Variants in AFTPH observed in about 807,000 individuals in gnomAD.
AFTPH encodes aftiphilin, also known as aftiphilin protein.
In AFTPH, 7 loss-of-function variants were observed where a neutral mutation model predicts 72.5. The ratio of observed to expected loss-of-function variants is 0.10; its 90% CI spans 0.05 to 0.18. The LOEUF (loss-of-function observed/expected upper bound fraction) is 0.18, where lower values mean the gene tolerates loss of function less well. Among genes scored for constraint, AFTPH ranks in the 10% least tolerant of loss-of-function variants. AFTPH has a pLI of 1.00. For synonymous variants in AFTPH, 337 were observed against 370.1 expected (o/e 0.91, Z 1.03); for missense variants, 979 against 1,060.5 (o/e 0.92, Z 1.07).
At chr2:64,544,485 T>C (rs1344887716) in intron 1 of AFTPH, among the ~76,000 whole-genome samples, 1 of 152,146 alleles carries the variant, frequency 6.6e-6, no homozygotes, top group African/African-American at 2.4e-5. Flanking sequence ...TTGGGACTCC[T>C]TGTGGTGTGG....
chr2:64,581,806 G>A (rs1215573977), intron 7 of AFTPH, among the ~76,000 whole-genome samples: 1 of 152,070 alleles, frequency 6.6e-6, no homozygotes, highest in Non-Finnish European at 1.5e-5. Flanking sequence ...GTCCCACATA[G>A]AACTATTTCT....
Position 64,585,374 on chromosome 2 carries a change from G to T in AFTPH, c.2456-48G>T, listed in dbSNP as rs1278999962. On this transcript the variant is annotated intron_variant, in intron 7 of 8. Coordinates refer to ENST00000238856, the Ensembl canonical transcript of AFTPH. ...TGCATCTTGGATTGTGGCTAACTGGGTAACCCATTGCAGCCTGCCATCACT... is the reference window on the plus strand; with the variant it reads ...TGCATCTTGGATTGTGGCTAACTGGTTAACCCATTGCAGCCTGCCATCACT... 9.9e-6 allele frequency: 16 copies of T among 1,609,200 alleles called. No homozygotes were observed. In the Admixed American group the frequency reaches 2.0e-4, roughly 20 times the overall value.
At chr2:64,585,617 C>T (rs1044986046) in intron 8 of AFTPH, 72 bp downstream of exon 9, 4 of 1,490,412 alleles carry the variant, frequency 2.7e-6, no homozygotes, top group South Asian at 1.3e-5. Flanking sequence ...AAAAGCATGT[C>T]AGTTGACAGC....
At chr2:64,577,705 A>T (rs1672910069) in intron 6 of AFTPH, among the ~76,000 whole-genome samples, 1 of 152,198 alleles carries the variant, frequency 6.6e-6, no homozygotes, top group South Asian at 2.1e-4. Flanking sequence ...CTAAATATTT[A>T]TTAGCTGTGC....
chr2:64,543,358 A>G (rs1336260805), intron 1 of AFTPH, among the ~76,000 whole-genome samples: 3 of 152,172 alleles, frequency 2.0e-5, no homozygotes, highest in African/African-American at 7.2e-5. Flanking sequence ...TATTCTTTTG[A>G]TGAAGAGAAG....
intron 2 of AFTPH, among the ~76,000 whole-genome samples, chr2:64,565,770 G>T (rs151265107): frequency 5.6e-4 from 85 of 152,300 alleles, no homozygotes; most frequent in Non-Finnish European, 1.1e-3. Flanking sequence ...CTTATTCAAC[G>T]TAAGATTTGA....
chr2:64,527,829 C>G (rs145926721), intron 1 of AFTPH, among the ~76,000 whole-genome samples: 1 of 152,276 alleles, frequency 6.6e-6, no homozygotes, highest in East Asian at 1.9e-4. Flanking sequence ...TGCTGGCAAC[C>G]ATTTAACAGC....
At chr2:64,575,408 T>C (rs1194778399) in intron 6 of AFTPH, among the ~76,000 whole-genome samples, 1 of 152,130 alleles carries the variant, frequency 6.6e-6, no homozygotes, top group African/African-American at 2.4e-5. Context: ...GGTGGATTGC[T>C]TGAGCCCAGG....
chr2:64,560,269 C>T (rs1671641058), intron 2 of AFTPH, among the ~76,000 whole-genome samples: 1 of 151,918 alleles, frequency 6.6e-6, no homozygotes, highest in South Asian at 2.1e-4. Context: ...AAAGACATGA[C>T]AGAACTAGGA....
chr2:64,546,268 G>A (rs752512197), intron 1 of AFTPH, among the ~76,000 whole-genome samples: 20 of 151,916 alleles, frequency 1.3e-4, no homozygotes, highest in Non-Finnish European at 2.5e-4. Context: ...ACATTGTCAT[G>A]GTAAATTTTA....
intron 2 of AFTPH, among the ~76,000 whole-genome samples, chr2:64,553,922 T>C (rs959843660): frequency 2.6e-5 from 4 of 152,082 alleles, no homozygotes; most frequent in Non-Finnish European, 5.9e-5. Context: ...TGAAACCTCA[T>C]TCTGTGCCAA....
intron 7 of AFTPH, 157 bp from the exon 8 acceptor site, chr2:64,581,033 T>G: frequency 1.8e-6 from 1 of 546,260 alleles, no homozygotes; most frequent in Non-Finnish European, 3.3e-6. Context: ...GCTAATACTG[T>G]ACACATTGTT....
chr2:64,565,184 T>TA (rs1671993447), intron 2 of AFTPH, among the ~76,000 whole-genome samples: 1 of 151,788 alleles, frequency 6.6e-6, no homozygotes, highest in South Asian at 2.1e-4. Context: ...GTAAATTTAA[T>TA]AAAAATATTT....
rs17029099 is a variant in AFTPH, at chr2:64,555,865, T to C, written c.1935+2456T>C. On this transcript the variant is annotated intron_variant, in intron 2 of 8. Transcript: ENST00000238856. ...CGGCTGGCACTTTATTTCTTGGGCT[T>C]CAGATTCTGCTAGAAGAGTGCATTA... Among the ~76,000 whole-genome samples, 1,223 of 152,298 alleles carry C rather than the reference T, an allele frequency of 8.0e-3. 8 individuals are homozygous for C. The highest frequency in any genetic ancestry group is 0.013 in the Non-Finnish European group (865 of 68,022).
At chr2:64,576,104 C>T (rs1672771045) in intron 6 of AFTPH, among the ~76,000 whole-genome samples, 1 of 113,110 alleles carries the variant, frequency 8.8e-6, no homozygotes, top group African/African-American at 5.7e-5. Flanking sequence ...CACACACACA[C>T]ACACACACAC....
intron 2 of AFTPH, among the ~76,000 whole-genome samples, chr2:64,564,479 T>G (rs1038344402): frequency 6.6e-5 from 10 of 151,978 alleles, no homozygotes; most frequent in African/African-American, 2.4e-4. Flanking sequence ...GCAGAAATGG[T>G]GGTAGACGCC....
chr2:64,583,358 AATT>A (rs1179838826), intron 7 of AFTPH, among the ~76,000 whole-genome samples: 5 of 149,168 alleles, frequency 3.4e-5, no homozygotes, highest in African/African-American at 1.2e-4. Flanking sequence ...ATTACTCTCC[AATT>A]ATTAAATAGT....
chr2:64,592,129 A>AAC (rs1673867008), exon 9 of AFTPH: 1 of 1,352,828 alleles, frequency 7.4e-7, no homozygotes, highest in African/African-American at 1.5e-5. Context: ...AAAAAAAAAA[A>AAC]AAAAAATTCA....
At chr2:64,545,570 TAAAAAAAAAAAAAAAAAAAAAAAA>T (rs58124855) in intron 1 of AFTPH, among the ~76,000 whole-genome samples, 1,351 of 24,194 alleles carry the variant, frequency 0.056, 35 homozygotes, top group African/African-American at 0.11. Context: ...CCACCAGCAG[TAAAAAAAAAAAAAAAAAAAAAAAA>T]AAAAAAAAAA....
Sources: gnomAD v4.1 joint callset for allele counts (sites outside exome capture counted in the v4.1 genomes callset) on GRCh38, gnomAD v4.1.1 for gene constraint, MANE v1.5 for transcripts, NCBI Gene and HGNC (gene_info 2026-07-23, HGNC 2026-07-21) for gene names.